The following VDR variants were observed in gnomAD, a reference collection of about 807,000 sequenced individuals.
VDR encodes the protein vitamin D receptor, also known as vitamin D3 receptor.
A neutral mutation model predicts 39.7 loss-of-function variants in VDR; 19 were observed. That is an observed-to-expected ratio of 0.48 (90% CI 0.33 to 0.70). The LOEUF (loss-of-function observed/expected upper bound fraction) is 0.70, where lower values mean the gene tolerates loss of function less well. Ranked by LOEUF, VDR falls within the 30% of genes least tolerant of loss-of-function variation. VDR has a pLI of 0.02. For missense variants in VDR, 442 were observed against 570.5 expected, an observed-to-expected ratio of 0.77 and a Z score of 2.29; for synonymous variants, 242 against 215.8, an observed-to-expected ratio of 1.12 and a Z score of -1.07.
chr12:47,897,563 G>T (rs564904815), intron 1 of VDR, among the ~76,000 whole-genome samples: 1 of 152,344 alleles, frequency 6.6e-6, no homozygotes, highest in South Asian at 2.1e-4. Flanking sequence ...TTGTCCCATG[G>T]GTGGATGGGT....
At chr12:47,855,934 C>T (rs1945479463) in intron 6 of VDR, 133 bp from the exon 7 acceptor site, 1 of 1,020,792 alleles carries the variant, frequency 9.8e-7, no homozygotes, top group South Asian at 1.4e-5. Context: ...CTCCACAGGT[C>T]ACCCTTCAGC....
chr12:47,860,979 C>T (rs1413866402), intron 4 of VDR, among the ~76,000 whole-genome samples: 1 of 152,244 alleles, frequency 6.6e-6, no homozygotes, highest in East Asian at 1.9e-4. Flanking sequence ...CATGACAACC[C>T]TTTAAGGCAG....
chr12:47,864,807 G>A (rs1366720133), intron 4 of VDR, among the ~76,000 whole-genome samples: 1 of 152,232 alleles, frequency 6.6e-6, no homozygotes, highest in Non-Finnish European at 1.5e-5. Flanking sequence ...GACCCTTCCA[G>A]GGCCTCTGAC....
intron 3 of VDR, among the ~76,000 whole-genome samples, chr12:47,868,923 C>G (rs1270054973): frequency 6.6e-6 from 1 of 152,166 alleles, no homozygotes; most frequent in Admixed American, 6.5e-5. Flanking sequence ...CAGCCTAGCC[C>G]AGCCACCACC....
chr12:47,847,770 T>G (rs1373023402), intron 7 of VDR, among the ~76,000 whole-genome samples: 1 of 152,248 alleles, frequency 6.6e-6, no homozygotes, highest in East Asian at 1.9e-4. Context: ...AGAGACAGTG[T>G]CCTGTTCTGT....
intron 3 of VDR, among the ~76,000 whole-genome samples, chr12:47,874,043 A>T (rs749554415): frequency 6.6e-6 from 1 of 152,222 alleles, no homozygotes; most frequent in Non-Finnish European, 1.5e-5. Context: ...AAAAGAAATA[A>T]AAGAATGACA....
chr12:47,878,921 T>G (rs1261671847), intron 3 of VDR, 47 bp downstream of exon 3: 4 of 1,613,902 alleles, frequency 2.5e-6, no homozygotes, highest in East Asian at 4.5e-5. Context: ...ACACCTTGCT[T>G]CTTCTCCCTC....
rs387907555 is a variant in VDR, at chr12:47,865,065, T to C, written c.259A>G (p.Ile87Val). ...CACTCACACTCCTTCATCATGCCGATGTCCACACAGCGTTTGAGCCGGCAG... is the reference window on the plus strand; with the variant it reads ...CACTCACACTCCTTCATCATGCCGACGTCCACACAGCGTTTGAGCCGGCAG... ...QACRLKRCVD[I>V]GMMKEFILTD... Residue 87 changes from isoleucine to valine, a missense_variant, in exon 4 of 10, where the codon ATC becomes GTC. Physicochemically the swap from Ile to Val is conservative, Grantham distance 29 (BLOSUM62 3). Coordinates refer to ENST00000549336, the MANE Select transcript of VDR (RefSeq NM_000376.3). 4.7e-5 allele frequency: 76 copies of C among 1,613,632 alleles called. No individual in the cohort carries two copies. The highest frequency in any genetic ancestry group is 6.3e-5 in the Non-Finnish European group (74 of 1,179,628).
chr12:47,865,073 C>A lies in VDR; in HGVS notation c.251G>T (p.Cys84Phe). The A allele has an allele frequency of 6.2e-7, 1 of 1,613,842 alleles. No homozygotes were observed. Among genetic ancestry groups the A allele is most frequent in the Non-Finnish European group, 8.5e-7 (1 of 1,179,706 alleles). ...CTCCTTCATCATGCCGATGTCCACA[C>A]AGCGTTTGAGCCGGCAGGCCTGGCA... The part of the protein sequence containing the change: ...RHCQACRLKR[C>F]VDIGMMKEFI... Residue 84 changes from cysteine (C) to phenylalanine (F), a missense_variant, in exon 4 of 10, where the codon TGT (cysteine) becomes TTT (phenylalanine). Physicochemically the swap from Cys to Phe is radical, Grantham distance 205. Around this residue, in one of 5 missense-constraint regions of VDR, gnomAD observed 141 missense variants for 141.3 expected, o/e 1.00. Transcript: ENST00000549336.
intron 1 of VDR, among the ~76,000 whole-genome samples, chr12:47,899,077 G>A (rs1946513713): frequency 6.6e-6 from 1 of 152,122 alleles, no homozygotes; most frequent in Non-Finnish European, 1.5e-5. Flanking sequence ...AAAAAGAATT[G>A]AAGAACCCAA....
chr12:47,891,568 T>C (rs1946369336), intron 1 of VDR, among the ~76,000 whole-genome samples: 1 of 152,158 alleles, frequency 6.6e-6, no homozygotes, highest in Admixed American at 6.5e-5. Flanking sequence ...CTGTGGCTTC[T>C]AAAACTCTTT....
chr12:47,859,931 C>G (rs1404481385), intron 4 of VDR, among the ~76,000 whole-genome samples: 1 of 98,820 alleles, frequency 1.0e-5, no homozygotes, highest in African/African-American at 4.2e-5. Context: ...CTTTTTCTTT[C>G]TTTCTTTCTT....
chr12:47,874,381 T>C (rs956231144), intron 3 of VDR, among the ~76,000 whole-genome samples: 1 of 152,236 alleles, frequency 6.6e-6, no homozygotes, highest in African/African-American at 2.4e-5. Context: ...TTTAAATTCC[T>C]GGACATCTGC....
In VDR at chr12:47,857,706, G is replaced by C; in HGVS notation, c.278-18C>G. 6.2e-7 allele frequency: 1 copy of C among 1,610,256 alleles called. No individual in the cohort carries two copies. Among genetic ancestry groups the C allele is most frequent in the East Asian group, 2.2e-5 (1 of 44,782 alleles). ...CAGAATGACTGTGGGGTGGGAAGGG[G>C]AGTCAGGAGGGCTGGCCAGCAGCTC... is the stretch of plus-strand genomic sequence containing the variant. On this transcript the variant is annotated intron_variant, in intron 4 of 9. Transcript: ENST00000549336.
intron 1 of VDR, chr12:47,898,880 A>C (rs1946509824): frequency 6.5e-6 from 1 of 154,418 alleles, no homozygotes; most frequent in African/African-American, 2.4e-5. Context: ...ACAATTAACC[A>C]AAATTCACTT....
intron 3 of VDR, among the ~76,000 whole-genome samples, chr12:47,873,355 T>C (rs12314200): frequency 0.015 from 646 of 44,150 alleles, 17 homozygotes; most frequent in Middle Eastern, 0.036. Flanking sequence ...TGTTTTCTTT[T>C]TTTTTTTTTT....
intron 7 of VDR, among the ~76,000 whole-genome samples, chr12:47,852,424 C>A (rs776938937): frequency 9.2e-5 from 14 of 152,208 alleles, no homozygotes; most frequent in Non-Finnish European, 1.6e-4. Flanking sequence ...TTGTGCTCTA[C>A]GGAATGTGTT....
At chr12:47,899,315 G>A (rs1043491434) in intron 1 of VDR, among the ~76,000 whole-genome samples, 4 of 152,154 alleles carry the variant, frequency 2.6e-5, no homozygotes, top group Admixed American at 6.5e-5. Flanking sequence ...CTGGCACACC[G>A]TAGGCTCTTG....
chr12:47,898,415 T>A (rs778816529), intron 1 of VDR: 26 of 152,122 alleles, frequency 1.7e-4, no homozygotes, highest in Non-Finnish European at 2.5e-4. Context: ...CTGGAAGTGT[T>A]TTTTGGGACA....
Sources: allele counts gnomAD v4.1 joint callset (sites outside exome capture counted in the v4.1 genomes callset), GRCh38; gene constraint gnomAD v4.1.1; regional missense constraint gnomAD v4.1.1; transcripts MANE v1.5; gene names NCBI Gene and HGNC (gene_info 2026-07-23, HGNC 2026-07-21).